TRMT11: variants seen among roughly 807,000 people sequenced by gnomAD.
TRMT11 encodes tRNA (guanine(10)-N(2))-methyltransferase TRMT11.
Under a neutral mutation model 62.8 loss-of-function variants are expected in TRMT11, and 53 were observed. The observed-to-expected ratio is 0.84, with a 90% CI of 0.68 to 1.06. TRMT11 has a LOEUF of 1.06. Ranked by LOEUF, TRMT11 falls within the 50% of genes least tolerant of loss-of-function variation. The probability of loss-of-function intolerance (pLI) is 0.00; values close to 1 mark genes in which losing one functional copy is unlikely to be tolerated. For missense variants in TRMT11, 556 were observed against 553.4 expected (o/e 1.00, Z -0.05); for synonymous variants, 188 against 190.3 (o/e 0.99, Z 0.10).
chr6:126,008,274 A>G (rs1793661604), intron 7 of TRMT11, 118 bp from the exon 8 acceptor site: 6 of 864,036 alleles, frequency 6.9e-6, no homozygotes, highest in Non-Finnish European at 9.9e-6. Flanking sequence ...TGTTACGACC[A>G]ATGTCATTCC....
At chr6:125,988,034 C>T (rs1239638453) in intron 1 of TRMT11, among the ~76,000 whole-genome samples, 2 of 152,072 alleles carry the variant, frequency 1.3e-5, no homozygotes, top group African/African-American at 4.8e-5. Context: ...TGCTTGGAAG[C>T]ATTGATATTA....
At chr6:126,059,333 A>T (rs1776464422) in intron 17 of TRMT11, among the ~76,000 whole-genome samples, 1 of 152,158 alleles carries the variant, frequency 6.6e-6, no homozygotes, top group Non-Finnish European at 1.5e-5. Flanking sequence ...CCCAGAGTTG[A>T]TGCATGCCAA....
At chr6:126,209,283 C>G in the TRMT11 span, among the ~76,000 whole-genome samples, 1 of 152,080 alleles carries the variant, frequency 6.6e-6, no homozygotes, top group African/African-American at 2.4e-5. Context: ...ATTAATAAAA[C>G]AAGGAGGCTT....
intron 17 of TRMT11, among the ~76,000 whole-genome samples, chr6:126,096,905 T>C (rs762648254): frequency 2.4e-4 from 36 of 152,146 alleles, no homozygotes; most frequent in Non-Finnish European, 3.7e-4. Context: ...ATAACAGAAA[T>C]GAGAAGGACC....
intron 21 of TRMT11, among the ~76,000 whole-genome samples, chr6:126,129,075 C>T (rs12215582): frequency 2.6e-5 from 4 of 151,958 alleles, no homozygotes; most frequent in South Asian, 2.1e-4. Context: ...AAGCACCAAG[C>T]CTTTCTGGTC....
intron 11 of TRMT11, among the ~76,000 whole-genome samples, chr6:126,014,890 T>C (rs1480510543): frequency 6.6e-6 from 1 of 152,144 alleles, no homozygotes; most frequent in African/African-American, 2.4e-5. Context: ...TTCCCAGTGC[T>C]GTATTCACTT....
intron 17 of TRMT11, among the ~76,000 whole-genome samples, chr6:126,060,797 T>C (rs1442868039): frequency 6.6e-6 from 1 of 152,264 alleles, no homozygotes; most frequent in African/African-American, 2.4e-5. Flanking sequence ...GGTAAGTCAC[T>C]ATATTAGATT....
intron 1 of TRMT11, among the ~76,000 whole-genome samples, chr6:126,181,437 G>A (rs1392251026): frequency 6.6e-6 from 1 of 152,112 alleles, no homozygotes; most frequent in Admixed American, 6.6e-5. Context: ...CCTAACTTCT[G>A]TTTGATTTCT....
intron 16 of TRMT11, among the ~76,000 whole-genome samples, chr6:126,047,679 C>G (rs780856242): frequency 6.6e-6 from 1 of 152,156 alleles, no homozygotes; most frequent in Non-Finnish European, 1.5e-5. Context: ...GACCATTAAT[C>G]GTAACACAGT....
chr6:126,130,009 G>A (rs1469677229), intron 21 of TRMT11, among the ~76,000 whole-genome samples: 1 of 152,060 alleles, frequency 6.6e-6, no homozygotes, highest in East Asian at 1.9e-4. Context: ...TAGAGATGGA[G>A]GACTCAGCAT....
At chr6:126,215,220 G>C in the TRMT11 span, among the ~76,000 whole-genome samples, 27 of 152,154 alleles carry the variant, frequency 1.8e-4, no homozygotes, top group African/African-American at 6.3e-4. Flanking sequence ...CTAGGATGCA[G>C]ATTAAGTCCA....
At chr6:126,036,138 C>T (rs1775145441) in intron 12 of TRMT11, among the ~76,000 whole-genome samples, 1 of 151,980 alleles carries the variant, frequency 6.6e-6, no homozygotes, top group African/African-American at 2.4e-5. Context: ...CTAGAGGGGC[C>T]ATGAGGAGAA....
chr6:126,208,877 A>G, the TRMT11 span, among the ~76,000 whole-genome samples: 1 of 152,250 alleles, frequency 6.6e-6, no homozygotes, highest in African/African-American at 2.4e-5. Context: ...ATACGCCTAA[A>G]GGCCTGGTAG....
chr6:126,149,499 A>G (rs973942839), intron 21 of TRMT11, among the ~76,000 whole-genome samples: 2 of 152,198 alleles, frequency 1.3e-5, no homozygotes, highest in African/African-American at 4.8e-5. Context: ...ATTATCATCT[A>G]TATTTACAGA....
chr6:126,026,875 G>T (rs1225988489), intron 12 of TRMT11, among the ~76,000 whole-genome samples: 3 of 145,398 alleles, frequency 2.1e-5, no homozygotes, highest in South Asian at 2.2e-4. Flanking sequence ...GGATCTCAGC[G>T]CACTGCAAGC....
intron 21 of TRMT11, among the ~76,000 whole-genome samples, chr6:126,163,782 T>C (rs1287945539): frequency 6.6e-6 from 1 of 152,028 alleles, no homozygotes; most frequent in Non-Finnish European, 1.5e-5. Context: ...TAGTATTCTC[T>C]GATGGTAGTT....
intron 12 of TRMT11, among the ~76,000 whole-genome samples, chr6:126,021,736 C>T (rs1222971372): frequency 6.6e-6 from 1 of 152,204 alleles, no homozygotes; most frequent in African/African-American, 2.4e-5. Context: ...CTCTTTGTCT[C>T]TCTCTTACAT....
chr6:126,021,736 C>G (rs1222971372), intron 12 of TRMT11, among the ~76,000 whole-genome samples: 1 of 152,204 alleles, frequency 6.6e-6, no homozygotes, highest in African/African-American at 2.4e-5. Flanking sequence ...CTCTTTGTCT[C>G]TCTCTTACAT....
At chr6:126,189,150 CT>C (rs1318387361) in intron 1 of TRMT11, among the ~76,000 whole-genome samples, 1 of 152,088 alleles carries the variant, frequency 6.6e-6, no homozygotes, top group Non-Finnish European at 1.5e-5. Flanking sequence ...AGACAGACCC[CT>C]GTACTGATCT....
Sources: allele counts gnomAD v4.1 joint callset (sites outside exome capture counted in the v4.1 genomes callset), GRCh38; gene constraint gnomAD v4.1.1; transcripts MANE v1.5; gene names NCBI Gene and HGNC (gene_info 2026-07-23, HGNC 2026-07-21).